The following CCDC144A variants were observed in gnomAD, a reference collection of about 807,000 sequenced individuals.
The protein encoded by CCDC144A is coiled-coil domain-containing protein 144A.
In CCDC144A, 41 loss-of-function variants were observed where a neutral mutation model predicts 143.8. The ratio of observed to expected loss-of-function variants is 0.29; its 90% CI spans 0.22 to 0.37. CCDC144A has a LOEUF of 0.37. CCDC144A is among the 10% of genes least tolerant of loss of function. The pLI is 1.00. For missense variants in CCDC144A, 637 were observed against 1,488.8 expected, an observed-to-expected ratio of 0.43 and a Z score of 9.41; for synonymous variants, 242 against 517.9, an observed-to-expected ratio of 0.47 and a Z score of 7.23.
intron 15 of CCDC144A, among the ~76,000 whole-genome samples, chr17:16,771,549 T>C (rs1915823944): frequency 6.6e-6 from 1 of 152,272 alleles, no homozygotes; most frequent in Admixed American, 6.5e-5. Flanking sequence ...TATTATTTTC[T>C]AAAAGTGGAG....
chr17:16,756,169 C>A (rs1162694932), intron 12 of CCDC144A, among the ~76,000 whole-genome samples: 1 of 152,212 alleles, frequency 6.6e-6, no homozygotes. Context: ...GGTAGTTTTT[C>A]AGCTATTATT....
rs1358400038 is a variant in CCDC144A at position 16,709,164 on chromosome 17, C to A, written c.1107C>A (p.Leu369=). The change falls in exon 5 of 17, where the codon CTC becomes CTA. Residue 369 remains leucine, a synonymous_variant. Transcript: ENST00000399273. ...ETFPEQKEPS[L]KNIIHPYYHP... is the part of the protein sequence containing the mutation. ...TTCCTGAACAAAAAGAACCCAGTCTCAAAAATATCATCCATCCATACTATC... is the reference window on the plus strand; with the variant it reads ...TTCCTGAACAAAAAGAACCCAGTCTAAAAAATATCATCCATCCATACTATC... 1 of 1,611,660 alleles carries A rather than the reference C, an allele frequency of 6.2e-7. No homozygotes were observed. The highest frequency in any genetic ancestry group is 1.3e-5 in the African/African-American group (1 of 74,952).
chr17:16,756,294 T>G (rs2143342731), intron 12 of CCDC144A, among the ~76,000 whole-genome samples: 1 of 152,326 alleles, frequency 6.6e-6, no homozygotes. Flanking sequence ...TCTTCATTCT[T>G]TTTATTTTAT....
At chr17:16,717,760 T>A (rs1308364000) in intron 6 of CCDC144A, among the ~76,000 whole-genome samples, 1 of 152,218 alleles carries the variant, frequency 6.6e-6, no homozygotes, top group Non-Finnish European at 1.5e-5. Flanking sequence ...TGAATTGAGA[T>A]GGGGAAGAGT....
At chr17:16,764,772 A>G (rs1915525073) in intron 15 of CCDC144A, 1 of 154,922 alleles carries the variant, frequency 6.5e-6, no homozygotes, top group Admixed American at 6.3e-5. Context: ...ATAGTGTTTT[A>G]ATCCCAATTT....
intron 15 of CCDC144A, chr17:16,764,598 G>A: frequency 4.4e-6 from 1 of 229,882 alleles, no homozygotes; most frequent in Non-Finnish European, 8.4e-6. Context: ...GTGAATGATT[G>A]GTGTCCAAAC....
At chr17:16,687,562 T>C (rs1910826186), upstream of CCDC144A, among the ~76,000 whole-genome samples, 1 of 152,180 alleles carries the variant, frequency 6.6e-6, no homozygotes, top group African/African-American at 2.4e-5. Flanking sequence ...GAGGAATCTC[T>C]GCCATGTTCT....
At chr17:16,701,737 A>C (rs1243168657) in intron 2 of CCDC144A, among the ~76,000 whole-genome samples, 1 of 151,648 alleles carries the variant, frequency 6.6e-6, no homozygotes, top group African/African-American at 2.4e-5. Context: ...ATGGCATATG[A>C]TTTGACGTGC....
chr17:16,750,438 A>G (rs2656427), intron 12 of CCDC144A, among the ~76,000 whole-genome samples: 9,659 of 125,694 alleles, frequency 0.077, 899 homozygotes, highest in African/African-American at 0.21. Context: ...GGTTTTTGCC[A>G]GAAAGAGGTC....
intron 2 of CCDC144A, among the ~76,000 whole-genome samples, chr17:16,697,682 A>G (rs1351001047): frequency 6.6e-6 from 1 of 152,248 alleles, no homozygotes; most frequent in Admixed American, 6.5e-5. Flanking sequence ...TTTTTTTTTC[A>G]TTTAAGAAAT....
chr17:16,677,606 G>A, the CCDC144A span, among the ~76,000 whole-genome samples: 1 of 152,080 alleles, frequency 6.6e-6, no homozygotes, highest in Non-Finnish European at 1.5e-5. Flanking sequence ...GCTGAGGCGA[G>A]TGGATCGCCT....
chr17:16,772,288 G>A (rs1006986295), intron 16 of CCDC144A, among the ~76,000 whole-genome samples: 3 of 152,060 alleles, frequency 2.0e-5, no homozygotes, highest in Admixed American at 6.6e-5. Flanking sequence ...GGAATTGTCA[G>A]CCAGCACACA....
the CCDC144A span, among the ~76,000 whole-genome samples, chr17:16,682,879 CTCTGTTTT>C: frequency 2.9e-5 from 2 of 68,130 alleles, no homozygotes; most frequent in South Asian, 5.4e-4. Flanking sequence ...TCTCTGGATT[CTCTGTTTT>C]TTTTTTTTTT....
intron 12 of CCDC144A, 45 bp from the exon 13 acceptor site, chr17:16,761,380 A>G: frequency 6.4e-7 from 1 of 1,565,044 alleles, no homozygotes; most frequent in Non-Finnish European, 8.6e-7. Flanking sequence ...GACCATTCTC[A>G]GTCTACCTTC....
At chr17:16,733,497 C>G (rs1426866471) in intron 11 of CCDC144A, among the ~76,000 whole-genome samples, 1 of 149,050 alleles carries the variant, frequency 6.7e-6, no homozygotes, top group Non-Finnish European at 1.5e-5. Flanking sequence ...GTGCGAGACT[C>G]CGTCTCAAAA....
intron 5 of CCDC144A, among the ~76,000 whole-genome samples, chr17:16,710,800 A>T (rs1385241521): frequency 6.6e-6 from 1 of 152,102 alleles, no homozygotes; most frequent in East Asian, 1.9e-4. Flanking sequence ...AACCTATCTG[A>T]TTAATTTGCT....
Position 16,709,242 on chromosome 17 carries a change from T to C in CCDC144A, c.1185T>C (p.His395=), listed in dbSNP as rs1912244094. 3 of 1,611,710 alleles carry C rather than the reference T, an allele frequency of 1.9e-6. No homozygotes were observed. The highest frequency in any genetic ancestry group is 2.5e-6 in the Non-Finnish European group (3 of 1,179,650). Residue 395 remains histidine, a synonymous_variant, in exon 5 of 17, where the codon CAT becomes CAC. Transcript: ENST00000399273. ...EHVCQSSSKF[H]LHENKLDCDN... is the part of the protein sequence containing the mutation. ...TTTGCCAGTCATCTTCTAAGTTTCA[T>C]TTACATGAAAATAAATTAGACTGCG... is the stretch of plus-strand genomic sequence containing the variant.
At chr17:16,695,408 CA>C (rs1911339889) in intron 2 of CCDC144A, 1 of 151,750 alleles carries the variant, frequency 6.6e-6, no homozygotes, top group Non-Finnish European at 1.5e-5. Flanking sequence ...GGCAACATGA[CA>C]AGACCTCATC....
intron 6 of CCDC144A, among the ~76,000 whole-genome samples, chr17:16,714,586 T>C (rs537767335): frequency 6.6e-6 from 1 of 152,200 alleles, no homozygotes; most frequent in African/African-American, 2.4e-5. Flanking sequence ...ATATCTTCCA[T>C]TTCCAAGCCA....
Sources: allele counts gnomAD v4.1 joint callset (sites outside exome capture counted in the v4.1 genomes callset), GRCh38; gene constraint gnomAD v4.1.1; transcripts MANE v1.5; gene names NCBI Gene and HGNC (gene_info 2026-07-23, HGNC 2026-07-21).